The following RB1CC1 variants were observed in gnomAD, a reference collection of about 807,000 sequenced individuals.
The protein encoded by RB1CC1 is RB1-inducible coiled-coil protein 1.
RB1CC1 carries 46 observed loss-of-function variants against 177.5 expected under a neutral mutation model. The ratio of observed to expected loss-of-function variants is 0.26; its 90% confidence interval spans 0.20 to 0.33. The LOEUF is 0.33. RB1CC1 is among the 10% of genes least tolerant of loss of function. RB1CC1 has a pLI of 1.00. For synonymous variants in RB1CC1, 666 were observed against 613.6 expected (o/e 1.09, Z -1.26); for missense variants, 1,703 against 1,816.3 (o/e 0.94, Z 1.13).
At position 52,623,449 on chromosome 8, in the gene RB1CC1, T is replaced by C; in HGVS notation, c.*333A>G. The C allele has an allele frequency of 2.8e-6, 1 of 358,504 alleles. No individual in the cohort carries two copies. The highest frequency in any genetic ancestry group is 2.2e-5 in the South Asian group (1 of 44,934). 22.2% of individuals were successfully genotyped at this position (358,504 alleles called of 1,614,324 possible). ...TAACATCTAAGTTCAAGCTAGTGTA[T>C]ATTTAACAGGCAATTAATATGGCTC... is the stretch of plus-strand genomic sequence containing the variant. On this transcript the variant is annotated 3_prime_UTR_variant, in exon 24 of 24. Coordinates refer to ENST00000025008, the MANE Select transcript of RB1CC1 (RefSeq NM_014781.5).
rs555747971 is a variant in RB1CC1, at chr8:52,641,601, T to C, written c.4337+750A>G. Reference sequence around the variant, plus strand: ...AGGGGACCACGCTGATTCTATGATATCTTTTGGTAATCACTTGTTCGAATT... The same window carrying C: ...AGGGGACCACGCTGATTCTATGATACCTTTTGGTAATCACTTGTTCGAATT... On this transcript the variant is annotated intron_variant, in intron 18 of 23. Transcript: ENST00000025008. 1.5e-4 allele frequency among the ~76,000 whole-genome samples: 23 copies of C among 152,096 alleles called. No homozygotes were observed. The East Asian group carries it at 4.5e-3, about 30-fold the overall frequency.
chr8:52,635,096 AT>A (rs1261420921), intron 19 of RB1CC1, 128 bp from the exon 20 acceptor site: 1 of 740,146 alleles, frequency 1.4e-6, no homozygotes, highest in African/African-American at 1.8e-5. Context: ...TGGGGATATT[AT>A]TTTCTATGAA....
intron 23 of RB1CC1, 46 bp from the exon 24 acceptor site, chr8:52,623,905 A>T (rs752727230): frequency 1.6e-6 from 2 of 1,222,930 alleles, no homozygotes; most frequent in African/African-American, 1.6e-5. Flanking sequence ...ATTAAACCAC[A>T]TCTCTCTCTC....
At chr8:52,643,525 G>A (rs1489156201) in intron 16 of RB1CC1, among the ~76,000 whole-genome samples, 8 of 150,646 alleles carry the variant, frequency 5.3e-5, no homozygotes, top group East Asian at 2.0e-4. Context: ...ACACAAGATC[G>A]AGTCTCTACA....
At chr8:52,659,701 T>G (rs1260765073) in intron 12 of RB1CC1, among the ~76,000 whole-genome samples, 1 of 152,160 alleles carries the variant, frequency 6.6e-6, no homozygotes, top group Non-Finnish European at 1.5e-5. Context: ...AGAAACATGT[T>G]TAACAGCTAA....
intron 15 of RB1CC1, 89 bp from the exon 16 acceptor site, chr8:52,645,956 T>A: frequency 8.1e-7 from 1 of 1,236,886 alleles, no homozygotes; most frequent in Non-Finnish European, 1.1e-6. Flanking sequence ...TTATCTTCCT[T>A]AAGCTCAATA....
rs2150602882 is a variant in RB1CC1 at position 52,685,300 on chromosome 8, GGCC to G, written c.71+96_71+98del. ...ATTACAGGCGTGAGGTACCGCACCC[GGCC>G]GCCATTATCCTACTTTTTAAACAGT... On this transcript the variant is annotated intron_variant, in intron 3 of 23. Coordinates refer to ENST00000025008, the MANE Select transcript of RB1CC1 (RefSeq NM_014781.5). The G allele has an allele frequency of 5.6e-6, 5 of 897,802 alleles. No individual in the cohort carries two copies. The East Asian group carries it at 1.4e-4, about 25-fold the overall frequency. The allele number at this position is 897,802 out of a possible 1,614,324, so 55.6% of individuals were successfully genotyped here. A position where few individuals can be genotyped will look rare whatever the true frequency, so the allele number is the denominator to read the frequency against.
chr8:52,643,101 G>C, intron 16 of RB1CC1: 1 of 216,544 alleles, frequency 4.6e-6, no homozygotes, highest in South Asian at 1.4e-4. Context: ...CAATAACTTA[G>C]AGTGCTGTTA....
intron 1 of RB1CC1, among the ~76,000 whole-genome samples, chr8:52,712,820 TTC>T (rs1463321623): frequency 2.6e-5 from 4 of 152,210 alleles, no homozygotes; most frequent in Non-Finnish European, 5.9e-5. Flanking sequence ...TAGGGCCATA[TTC>T]TGTTACAACA....
At chr8:52,660,900 A>G (rs745659789) in intron 11 of RB1CC1, 26 bp downstream of exon 11, 3 of 1,565,232 alleles carry the variant, frequency 1.9e-6, no homozygotes, top group Non-Finnish European at 2.6e-6. Context: ...TTACAAAAGT[A>G]ATTAAAATTA....
intron 8 of RB1CC1, among the ~76,000 whole-genome samples, chr8:52,666,292 G>A (rs150273147): frequency 2.4e-3 from 359 of 152,136 alleles, no homozygotes; most frequent in Middle Eastern, 0.01. Flanking sequence ...TTTGGAGGCC[G>A]AGGCAGGCCT....
At chr8:52,660,898 G>A in intron 11 of RB1CC1, 28 bp downstream of exon 11, 1 of 1,561,804 alleles carries the variant, frequency 6.4e-7, no homozygotes, top group African/African-American at 1.4e-5. Flanking sequence ...CTTTACAAAA[G>A]TAATTAAAAT....
chr8:52,642,928 G>A, intron 16 of RB1CC1, 116 bp from the exon 17 acceptor site: 1 of 1,109,262 alleles, frequency 9.0e-7, no homozygotes. Context: ...AGATGATGGG[G>A]TATGATTCAT....
intron 18 of RB1CC1, among the ~76,000 whole-genome samples, chr8:52,642,091 T>C (rs1849635833): frequency 6.6e-6 from 1 of 152,114 alleles, no homozygotes; most frequent in Non-Finnish European, 1.5e-5. Flanking sequence ...TAAGAATGGC[T>C]CAATACTACT....
Position 52,658,132 on chromosome 8 carries a change from A to T in RB1CC1, c.1794-8T>A. On this transcript the variant is annotated splice_region_variant and splice_polypyrimidine_tract_variant and intron_variant, in intron 13 of 23. Coordinates refer to ENST00000025008, the MANE Select transcript of RB1CC1 (RefSeq NM_014781.5). ...TCACAAAGTAAGGGAACCCTGAAACAGAATGCAATGCAATTAGACTTCTGA... is the reference window on the plus strand; with the variant it reads ...TCACAAAGTAAGGGAACCCTGAAACTGAATGCAATGCAATTAGACTTCTGA... 1 of 1,607,942 alleles carries T rather than the reference A, an allele frequency of 6.2e-7. No individual in the cohort carries two copies. Among genetic ancestry groups the T allele is most frequent in the Non-Finnish European group, 8.5e-7 (1 of 1,178,298 alleles).
Position 52,673,874 on chromosome 8 carries a change from C to G in RB1CC1, c.973G>C (p.Val325Leu). 1 of 1,612,044 alleles carries G rather than the reference C, an allele frequency of 6.2e-7. No individual in the cohort carries two copies. Among genetic ancestry groups the G allele is most frequent in the African/African-American group, 1.3e-5 (1 of 74,948 alleles). The change falls in exon 7 of 24, where the codon GTC (valine) becomes CTC (leucine). Residue 325 changes from valine to leucine, a missense_variant. Physicochemically the swap from Val to Leu is conservative, Grantham distance 32. This residue lies in a region of RB1CC1 where 315 missense variants were observed against 304.9 expected (regional missense o/e 1.03). Transcript: ENST00000025008. ...CTCATAGAATCAAAGCACTTCCTGACCAAAGATTCCACATCATTAGGTCTA... is the reference window on the plus strand; with the variant it reads ...CTCATAGAATCAAAGCACTTCCTGAGCAAAGATTCCACATCATTAGGTCTA... ...QDRPNDVESL[V>L]RKCFDSMSRL...
rs12216810 is a variant in RB1CC1, at chr8:52,702,204, G to A, written c.-167+11871C>T. On this transcript the variant is annotated intron_variant, in intron 1 of 23. Coordinates refer to ENST00000025008, the MANE Select transcript of RB1CC1 (RefSeq NM_014781.5). ...AAGCTGGTCAGATTTTAATTGAAAT[G>A]TATGGTTTATAAAATTAGTTAAATA... 5.4e-3 allele frequency among the ~76,000 whole-genome samples: 828 copies of A among 152,232 alleles called. 7 individuals carry two copies. The highest frequency in any genetic ancestry group is 0.019 in the African/African-American group (796 of 41,534).
At chr8:52,638,683 A>G (rs963688264) in intron 18 of RB1CC1, among the ~76,000 whole-genome samples, 1 of 152,092 alleles carries the variant, frequency 6.6e-6, no homozygotes, top group African/African-American at 2.4e-5. Flanking sequence ...ATTTCAGAGT[A>G]GTCTTTTATT....
chr8:52,631,900 C>T (rs1487988330), intron 20 of RB1CC1, among the ~76,000 whole-genome samples: 2 of 152,198 alleles, frequency 1.3e-5, no homozygotes, highest in East Asian at 3.9e-4. Flanking sequence ...GCCTAGCAAA[C>T]ACTACTACTC....
Sources: allele counts gnomAD v4.1 joint callset (sites outside exome capture counted in the v4.1 genomes callset), GRCh38; gene constraint gnomAD v4.1.1; regional missense constraint gnomAD v4.1.1; transcripts MANE v1.5; gene names NCBI Gene and HGNC (gene_info 2026-07-23, HGNC 2026-07-21).